Variants in TNNI3K observed in about 807,000 individuals in gnomAD.
TNNI3K encodes the protein serine/threonine-protein kinase TNNI3K.
A neutral mutation model predicts 114.5 loss-of-function variants in TNNI3K; 140 were observed. The observed-to-expected ratio is 1.22, with a 90% CI of 1.07 to 1.41. The LOEUF (loss-of-function observed/expected upper bound fraction) is 1.41. Ranked by LOEUF, TNNI3K falls within the 40% of genes most tolerant of loss-of-function variation. The pLI, the probability that TNNI3K is intolerant of heterozygous loss-of-function variation, is 0.00. For synonymous variants in TNNI3K, 347 were observed against 347.5 expected, an observed-to-expected ratio of 1.00 and a Z score of 0.02; for missense variants, 1,125 against 1,007.6, an observed-to-expected ratio of 1.12 and a Z score of -1.58.
chr1:74,515,185 G>A (rs1020601361), intron 23 of TNNI3K, among the ~76,000 whole-genome samples: 1 of 152,118 alleles, frequency 6.6e-6, no homozygotes, highest in African/African-American at 2.4e-5. Flanking sequence ...AAGCCTTCAG[G>A]TGTTTGGAAC....
At chr1:74,286,404 T>A (rs1040036337) in intron 5 of TNNI3K, among the ~76,000 whole-genome samples, 14 of 152,044 alleles carry the variant, frequency 9.2e-5, no homozygotes, top group African/African-American at 1.7e-4. Context: ...CCAGGCCTGC[T>A]CTGGGCCACC....
intron 5 of TNNI3K, among the ~76,000 whole-genome samples, chr1:74,323,001 A>G (rs1195932190): frequency 6.6e-6 from 1 of 152,180 alleles, no homozygotes; most frequent in Non-Finnish European, 1.5e-5. Context: ...CTCTTGGTGC[A>G]TCTCTATATG....
chr1:74,367,243 T>A lies in TNNI3K; in HGVS notation c.1178-13T>A. 1 of 1,609,496 alleles carries A rather than the reference T, an allele frequency of 6.2e-7. No individual in the cohort carries two copies. Among genetic ancestry groups the A allele is most frequent in the Non-Finnish European group, 8.5e-7 (1 of 1,177,876 alleles). ...AATTTAGGACTCTTTGTTCTTTGTA[T>A]CTTTTCATAAAGGGCATGATGCCAT... On this transcript the variant is annotated splice_polypyrimidine_tract_variant and intron_variant, in intron 11 of 24. Coordinates refer to ENST00000326637, the MANE Select transcript of TNNI3K (RefSeq NM_015978.3).
chr1:74,368,395 G>A (rs1021358815), intron 13 of TNNI3K, among the ~76,000 whole-genome samples: 4 of 151,820 alleles, frequency 2.6e-5, no homozygotes, highest in African/African-American at 9.7e-5. Flanking sequence ...GACCAGGAAA[G>A]TAAAAACTTT....
chr1:74,475,814 T>C (rs1219459566), intron 21 of TNNI3K: 2 of 598,684 alleles, frequency 3.3e-6, no homozygotes, highest in African/African-American at 1.9e-5. Flanking sequence ...ACAGCTCCTA[T>C]GACAAATAGA....
At chr1:74,281,610 T>A (rs182539328) in intron 5 of TNNI3K, among the ~76,000 whole-genome samples, 1 of 152,256 alleles carries the variant, frequency 6.6e-6, no homozygotes, top group East Asian at 1.9e-4. Flanking sequence ...TCTTTTTCGA[T>A]CTTTCAGCAG....
intron 5 of TNNI3K, among the ~76,000 whole-genome samples, chr1:74,326,976 G>A (rs935932589): frequency 1.1e-4 from 17 of 151,780 alleles, no homozygotes; most frequent in Non-Finnish European, 2.2e-4. Flanking sequence ...AGCTACTCAG[G>A]AGGCTGAGGC....
chr1:74,443,444 G>A lies in TNNI3K; in HGVS notation c.2011+3822G>A, dbSNP rs116526815. On this transcript the variant is annotated intron_variant, in intron 20 of 24. Coordinates refer to ENST00000326637, the MANE Select transcript of TNNI3K (RefSeq NM_015978.3). ...TAAATACCTGGATATGTACACCCCC[G>A]CAAGACTGAACCAGGAAGAAGTTGC... Among the ~76,000 whole-genome samples, 1,208 of 151,830 alleles carry A rather than the reference G, an allele frequency of 8.0e-3. 9 individuals carry two copies. Among genetic ancestry groups the A allele is most frequent in the Middle Eastern group, 0.024 (7 of 294 alleles).
At chr1:74,446,217 G>C (rs61776252) in intron 20 of TNNI3K, among the ~76,000 whole-genome samples, 3 of 151,970 alleles carry the variant, frequency 2.0e-5, no homozygotes, top group Non-Finnish European at 4.4e-5. Flanking sequence ...TCCTGACTTT[G>C]TAATGATTGC....
At chr1:74,247,473 G>T (rs1233609713) in intron 2 of TNNI3K, among the ~76,000 whole-genome samples, 1 of 152,120 alleles carries the variant, frequency 6.6e-6, no homozygotes, top group Non-Finnish European at 1.5e-5. Flanking sequence ...GTATGAAAGG[G>T]GACACAAGCA....
intron 4 of TNNI3K, among the ~76,000 whole-genome samples, chr1:74,259,209 C>CG (rs1655519042): frequency 1.3e-5 from 2 of 152,122 alleles, no homozygotes; most frequent in Non-Finnish European, 2.9e-5. Flanking sequence ...AAAAGTCCCA[C>CG]GATCTTCCGT....
chr1:74,352,959 C>T (rs949083516), intron 9 of TNNI3K, among the ~76,000 whole-genome samples: 13 of 152,080 alleles, frequency 8.5e-5, no homozygotes, highest in South Asian at 2.1e-4. Flanking sequence ...AGGCATGGTG[C>T]GCTTCACCCA....
In TNNI3K at chr1:74,331,307, G is replaced by A. The variant is rs942470529; in HGVS notation, c.445-143G>A. 4 of 691,690 alleles carry A rather than the reference G, an allele frequency of 5.8e-6. 1 individual carries two copies. Among genetic ancestry groups the A allele is most frequent in the Non-Finnish European group, 9.3e-6 (4 of 432,228 alleles). 42.8% of individuals were successfully genotyped at this position (691,690 alleles called of 1,614,324 possible). A position where few individuals can be genotyped will look rare whatever the true frequency, so the allele number is the denominator to read the frequency against. On this transcript the variant is annotated intron_variant, in intron 5 of 24. Transcript: ENST00000326637. ...TTTCATAAAAAAACAGGACACTGGA[G>A]GTCTTGGATAAGGTGGATGGAAGAA...
Position 74,312,776 on chromosome 1 carries a change from A to G in TNNI3K, c.445-18674A>G, listed in dbSNP as rs573884628. Among the ~76,000 whole-genome samples, 562 of 152,366 alleles carry G rather than the reference A, an allele frequency of 3.7e-3. 5 individuals carry two copies. Among genetic ancestry groups the G allele is most frequent in the Non-Finnish European group, 5.9e-3 (399 of 68,032 alleles). On this transcript the variant is annotated intron_variant, in intron 5 of 24. Coordinates refer to ENST00000326637, the MANE Select transcript of TNNI3K (RefSeq NM_015978.3). Reference sequence around the variant, plus strand: ...AATCCTGACATCTCTTCTTTTCACTAGCTACCAATTAAAAATTCCGCATAG... The same window carrying G: ...AATCCTGACATCTCTTCTTTTCACTGGCTACCAATTAAAAATTCCGCATAG...
intron 5 of TNNI3K, among the ~76,000 whole-genome samples, chr1:74,314,744 A>G (rs1223851997): frequency 6.6e-6 from 1 of 152,130 alleles, no homozygotes; most frequent in African/African-American, 2.4e-5. Context: ...AAAAATATAT[A>G]TGTAATTGTC....
At chr1:74,489,068 A>G (rs943966647) in intron 21 of TNNI3K, 121 bp from the exon 22 acceptor site, 12 of 745,678 alleles carry the variant, frequency 1.6e-5, no homozygotes, top group Admixed American at 3.2e-5. Context: ...TGTATTTTAA[A>G]TAAAAATATA....
At chr1:74,278,658 G>C (rs1315607130) in intron 5 of TNNI3K, among the ~76,000 whole-genome samples, 1 of 151,922 alleles carries the variant, frequency 6.6e-6, no homozygotes, top group Non-Finnish European at 1.5e-5. Flanking sequence ...CACTTCAATG[G>C]TTTTTAGTAT....
At chr1:74,420,683 C>G (rs182760652) in intron 17 of TNNI3K, among the ~76,000 whole-genome samples, 1 of 152,222 alleles carries the variant, frequency 6.6e-6, no homozygotes, top group African/African-American at 2.4e-5. Context: ...AACAAGGCAA[C>G]GTTGACATTA....
Position 74,369,411 on chromosome 1 carries a change from G to A in TNNI3K, c.1493G>A (p.Cys498Tyr), listed in dbSNP as rs771608495. ...TCCAGTTATCGAGCCAATACCTACT[G>A]CTCCAAGTCAGATGTGGATATGTTT... ...AIKRYRANTY[C>Y]SKSDVDMFCR... is the part of the protein sequence containing the mutation. The change falls in exon 16 of 25, where the codon TGC becomes TAC. Residue 498 changes from cysteine (C) to tyrosine (Y), a missense_variant. By Grantham distance (194) the Cys-to-Tyr change is radical. Coordinates refer to ENST00000326637, the MANE Select transcript of TNNI3K (RefSeq NM_015978.3). 2.5e-5 allele frequency: 41 copies of A among 1,610,944 alleles called. No individual in the cohort carries two copies. Among genetic ancestry groups the A allele is most frequent in the Admixed American group, 3.4e-5 (2 of 59,688 alleles).
Sources: gnomAD v4.1 joint callset for allele counts (sites outside exome capture counted in the v4.1 genomes callset) on GRCh38, gnomAD v4.1.1 for gene constraint, MANE v1.5 for transcripts, NCBI Gene and HGNC (gene_info 2026-07-23, HGNC 2026-07-21) for gene names.